Variants in CAMTA1 observed in about 807,000 individuals in gnomAD.
CAMTA1 encodes the protein calmodulin-binding transcription activator 1.
A neutral mutation model predicts 170.9 loss-of-function variants in CAMTA1; 27 were observed. The ratio of observed to expected loss-of-function variants is 0.16; its 90% CI spans 0.12 to 0.22. CAMTA1 has a LOEUF of 0.22. Ranked by LOEUF, CAMTA1 falls within the 10% of genes least tolerant of loss-of-function variation. CAMTA1 has a pLI of 1.00. For missense variants in CAMTA1, 1,619 were observed against 2,217.2 expected, an observed-to-expected ratio of 0.73 and a Z score of 5.42; for synonymous variants, 833 against 891.5, an observed-to-expected ratio of 0.93 and a Z score of 1.17.
At chr1:7,334,401 G>A (rs1488930950) in intron 5 of CAMTA1, among the ~76,000 whole-genome samples, 1 of 152,320 alleles carries the variant, frequency 6.6e-6, no homozygotes, top group Non-Finnish European at 1.5e-5. Context: ...TGGATCTTGG[G>A]CACAGAAGCC....
At chr1:7,051,896 C>T (rs1040638242) in intron 3 of CAMTA1, among the ~76,000 whole-genome samples, 2 of 152,156 alleles carry the variant, frequency 1.3e-5, no homozygotes, top group South Asian at 4.1e-4. Flanking sequence ...ACCCCAGCTC[C>T]TGGAACATTC....
chr1:7,127,300 A>C (rs1333837920), intron 4 of CAMTA1, among the ~76,000 whole-genome samples: 1 of 122,000 alleles, frequency 8.2e-6, no homozygotes. Context: ...TTTAGGATCT[A>C]CGATGGGAAG....
At chr1:6,854,758 A>C (rs908771267) in intron 3 of CAMTA1, among the ~76,000 whole-genome samples, 5 of 152,244 alleles carry the variant, frequency 3.3e-5, no homozygotes, top group Non-Finnish European at 7.3e-5. Context: ...TAGAGCAGAA[A>C]AATCATGTGA....
At chr1:7,761,794 T>G (rs1309214300) in intron 22 of CAMTA1, among the ~76,000 whole-genome samples, 1 of 152,166 alleles carries the variant, frequency 6.6e-6, no homozygotes, top group Non-Finnish European at 1.5e-5. Flanking sequence ...TGTTTTTATA[T>G]AATATGAACA....
chr1:6,961,404 G>A (rs887219338), intron 3 of CAMTA1, among the ~76,000 whole-genome samples: 5 of 152,174 alleles, frequency 3.3e-5, no homozygotes, highest in Non-Finnish European at 7.3e-5. Context: ...CGCCACCATC[G>A]TGACCGTGTA....
chr1:7,580,102 C>A lies in CAMTA1; in HGVS notation c.511-60298C>A, dbSNP rs920782490. On this transcript the variant is annotated intron_variant, in intron 6 of 22. Coordinates refer to ENST00000303635, the MANE Select transcript of CAMTA1 (RefSeq NM_015215.4). The surrounding 1 kb of genome is among the most constrained non-coding windows in gnomAD (Gnocchi z 4.3). ...GCACACAGCTAGGAGCTGGGCCTTG[C>A]GGACCACAGGGAGCATCCCTGCCCA... Among the ~76,000 whole-genome samples, 1 of 152,252 alleles carries A rather than the reference C, an allele frequency of 6.6e-6. No homozygotes were observed. The highest frequency in any genetic ancestry group is 1.5e-5 in the Non-Finnish European group (1 of 68,044).
intron 5 of CAMTA1, among the ~76,000 whole-genome samples, chr1:7,348,802 G>A (rs2084422772): frequency 6.6e-6 from 1 of 152,178 alleles, no homozygotes; most frequent in Non-Finnish European, 1.5e-5. Context: ...AAAGAGAGAT[G>A]GGGCCACCCA....
At chr1:7,445,257 G>A (rs983260957) in intron 5 of CAMTA1, among the ~76,000 whole-genome samples, 1 of 151,720 alleles carries the variant, frequency 6.6e-6, no homozygotes, top group Non-Finnish European at 1.5e-5. Flanking sequence ...CAAGGGAAAG[G>A]CATGGGAAAG....
chr1:7,356,833 C>T (rs561616467), intron 5 of CAMTA1, among the ~76,000 whole-genome samples: 1 of 152,324 alleles, frequency 6.6e-6, no homozygotes, highest in African/African-American at 2.4e-5. Context: ...TTCTCTGAGC[C>T]TTGGTTCCCT....
chr1:7,303,090 T>TA (rs1675033183), intron 5 of CAMTA1, among the ~76,000 whole-genome samples: 2 of 152,270 alleles, frequency 1.3e-5, no homozygotes, highest in Admixed American at 1.3e-4. Context: ...TTATATGAGT[T>TA]ACGACATGTA....
intron 3 of CAMTA1, among the ~76,000 whole-genome samples, chr1:6,845,015 T>C (rs1443930993): frequency 1.3e-5 from 2 of 152,076 alleles, no homozygotes; most frequent in African/African-American, 2.4e-5. Context: ...AAAATGACAG[T>C]CTGGAAGGAA....
intron 5 of CAMTA1, among the ~76,000 whole-genome samples, chr1:7,303,052 C>T (rs565580397): frequency 1.3e-3 from 191 of 152,264 alleles, no homozygotes; most frequent in African/African-American, 4.3e-3. Context: ...ACAGTACCAC[C>T]GCCTTCCTCT....
chr1:7,554,401 C>T (rs1475196673), intron 6 of CAMTA1, among the ~76,000 whole-genome samples: 1 of 152,146 alleles, frequency 6.6e-6, no homozygotes, highest in Non-Finnish European at 1.5e-5. Context: ...AACCACTTGC[C>T]TTACATGCTG....
intron 3 of CAMTA1, among the ~76,000 whole-genome samples, chr1:7,080,669 G>A (rs1051947702): frequency 2.6e-5 from 4 of 151,992 alleles, no homozygotes; most frequent in Non-Finnish European, 5.9e-5. Context: ...CAAATAGCTG[G>A]GATTACAGGT....
intron 3 of CAMTA1, among the ~76,000 whole-genome samples, chr1:6,983,931 G>A (rs964045004): frequency 1.4e-5 from 2 of 140,598 alleles, no homozygotes; most frequent in East Asian, 5.0e-4. Flanking sequence ...TAAATGGGTG[G>A]ATGGGTGGGT....
chr1:6,904,750 T>C (rs1274483268), intron 3 of CAMTA1, among the ~76,000 whole-genome samples: 5 of 142,646 alleles, frequency 3.5e-5, no homozygotes, highest in African/African-American at 1.3e-4. Flanking sequence ...TTTTTTTTTT[T>C]TTTTTTTTTT....
intron 5 of CAMTA1, among the ~76,000 whole-genome samples, chr1:7,270,288 TA>T (rs1480280279): frequency 1.1e-4 from 13 of 119,590 alleles, no homozygotes; most frequent in African/African-American, 4.3e-4. Context: ...TATATATATA[TA>T]TATTTTTTTT....
At position 7,680,458 on chromosome 1, in the gene CAMTA1, C is replaced by A. The variant is rs2096180540; in HGVS notation, c.2914+2725C>A. 6.6e-6 allele frequency among the ~76,000 whole-genome samples: 1 copy of A among 152,038 alleles called. No individual in the cohort carries two copies. The highest frequency in any genetic ancestry group is 1.5e-5 in the Non-Finnish European group (1 of 67,994). ...GCGGCGCGCGTGCACACACTCTCTC[C>A]CACGCGCGCGCCCTCCCGCCGACGC... On this transcript the variant is annotated intron_variant, in intron 11 of 22. Transcript: ENST00000303635. This position sits in a 1 kb window ranked among gnomAD's most constrained non-coding sequence, Gnocchi z 4.4.
chr1:7,701,341 C>A (rs1228653090), intron 11 of CAMTA1, among the ~76,000 whole-genome samples: 1 of 152,212 alleles, frequency 6.6e-6, no homozygotes, highest in African/African-American at 2.4e-5. Flanking sequence ...TCCTCTGCAA[C>A]AGGATCCACC....
Sources: allele counts gnomAD v4.1 joint callset (sites outside exome capture counted in the v4.1 genomes callset), GRCh38; gene constraint gnomAD v4.1.1; non-coding constraint Gnocchi (gnomAD v3.1); transcripts MANE v1.5; gene names NCBI Gene and HGNC (gene_info 2026-07-23, HGNC 2026-07-21).